MAPK13: variants seen among roughly 807,000 people sequenced by gnomAD.
MAPK13 encodes the protein MAP kinase 13.
MAPK13 carries 39 observed loss-of-function variants against 53.5 expected under a neutral mutation model. The observed-to-expected ratio is 0.73, with a 90% CI of 0.56 to 0.95. The LOEUF (loss-of-function observed/expected upper bound fraction) is 0.95, where lower values mean the gene tolerates loss of function less well. MAPK13 is among the 40% of genes least tolerant of loss of function. The pLI is 0.00. For missense variants in MAPK13, 460 were observed against 471.8 expected (o/e 0.98, Z 0.23); for synonymous variants, 179 against 190.9 (o/e 0.94, Z 0.51).
intron 3 of MAPK13, among the ~76,000 whole-genome samples, chr6:36,134,847 C>T (rs1390965651): frequency 6.6e-6 from 1 of 152,194 alleles, no homozygotes. Flanking sequence ...AACCCCGTCT[C>T]TACTAAGAAT....
chr6:36,131,621 G>C (rs1190175310), intron 2 of MAPK13, among the ~76,000 whole-genome samples: 3 of 152,206 alleles, frequency 2.0e-5, no homozygotes, highest in Non-Finnish European at 2.9e-5. Context: ...CACTTTGTGA[G>C]GTACAGACTG....
rs1766475411 is a variant in MAPK13 at position 36,138,898 on chromosome 6, G to A, written c.861G>A (p.Lys287=). Residue 287 remains lysine, a synonymous_variant, in exon 11 of 12, where the codon AAG becomes AAA. Coordinates refer to ENST00000211287, the MANE Select transcript of MAPK13 (RefSeq NM_002754.5). ...CTGCAGCTGCGGACCTGCTGGAGAA[G>A]ATGCTGGAGCTAGACGTGGACAAGC... The part of the protein sequence containing the change: ...ASPQAADLLE[K]MLELDVDKRL... The A allele has an allele frequency of 1.1e-5, 17 of 1,610,826 alleles. No individual in the cohort carries two copies. The highest frequency in any genetic ancestry group is 1.4e-5 in the Non-Finnish European group (17 of 1,178,588).
chr6:36,138,282 C>T (rs371919783), intron 8 of MAPK13, 83 bp from the exon 9 acceptor site: 17 of 1,026,054 alleles, frequency 1.7e-5, no homozygotes, highest in South Asian at 1.3e-5. Context: ...CCATGGTGCC[C>T]GGGTGAAGTG....
rs369274499 is a variant in MAPK13, at chr6:36,136,481, C to A, written c.448-3C>A. 5.6e-6 allele frequency: 9 copies of A among 1,593,006 alleles called. No homozygotes were observed. Among genetic ancestry groups the A allele is most frequent in the Admixed American group, 1.8e-5 (1 of 56,856 alleles). On this transcript the variant is annotated splice_polypyrimidine_tract_variant and splice_region_variant and intron_variant, in intron 5 of 11. Transcript: ENST00000211287. ...TAGCATGCATTCTCTGTCCTCCCCC[C>A]AGGACCTGAAGCCAGGCAACCTGGC...
intron 8 of MAPK13, among the ~76,000 whole-genome samples, chr6:36,137,253 T>C (rs1005559152): frequency 2.0e-5 from 3 of 152,098 alleles, no homozygotes; most frequent in African/African-American, 7.2e-5. Context: ...CAGTGGCTCA[T>C]GTCTGTAATC....
intron 2 of MAPK13, 90 bp from the exon 3 acceptor site, chr6:36,132,531 G>A: frequency 8.6e-7 from 1 of 1,158,384 alleles, no homozygotes; most frequent in Non-Finnish European, 1.3e-6. Flanking sequence ...TTAGGAAAGG[G>A]TGGATGGCCC....
At chr6:36,134,863 A>C (rs1766384771) in intron 3 of MAPK13, among the ~76,000 whole-genome samples, 1 of 152,210 alleles carries the variant, frequency 6.6e-6, no homozygotes, top group African/African-American at 2.4e-5. Context: ...AGAATACAAA[A>C]ATTAGCTGGG....
chr6:36,131,391 G>T lies in MAPK13; in HGVS notation c.240G>T (p.Gln80His), dbSNP rs766292303. 6.2e-7 allele frequency: 1 copy of T among 1,612,984 alleles called. No individual in the cohort carries two copies. Among genetic ancestry groups the T allele is most frequent in the South Asian group, 1.1e-5 (1 of 91,028 alleles). The change falls in exon 2 of 12, where the codon CAG becomes CAT. Residue 80 changes from glutamine (Q) to histidine (H), a missense_variant. Transcript: ENST00000211287. ...YRELLLLKHM[Q>H]HENVIGLLDV... is the part of the protein sequence containing the mutation. Reference sequence around the variant, plus strand: ...AGCTGCTGCTGCTGAAGCACATGCAGCATGAGAACGTAGGTGGTGGCTGCC... The same window carrying T: ...AGCTGCTGCTGCTGAAGCACATGCATCATGAGAACGTAGGTGGTGGCTGCC...
In MAPK13 at chr6:36,135,752, G is replaced by T. The variant is rs984084395; in HGVS notation, c.309-1G>T. On this transcript the variant is annotated splice_acceptor_variant, in intron 3 of 11. Coordinates refer to ENST00000211287, the MANE Select transcript of MAPK13 (RefSeq NM_002754.5). LOFTEE classifies it high-confidence loss of function. ...TTCCAAGAACCCCTCATGCCTTCCA[G>T]CTACCTGGTGATGCCCTTCATGCAG... 3 of 1,610,908 alleles carry T rather than the reference G, an allele frequency of 1.9e-6. No homozygotes were observed. In the Admixed American group the frequency reaches 5.0e-5, roughly 27 times the overall value.
intron 2 of MAPK13, among the ~76,000 whole-genome samples, chr6:36,132,131 C>T (rs1467233237): frequency 6.6e-6 from 1 of 152,236 alleles, no homozygotes; most frequent in Non-Finnish European, 1.5e-5. Flanking sequence ...AACCCCTCCC[C>T]TATGGCCTCC....
At position 36,131,293 on chromosome 6, in the gene MAPK13, G is replaced by C; in HGVS notation, c.142G>C (p.Gly48Arg). 2 of 1,613,720 alleles carry C rather than the reference G, an allele frequency of 1.2e-6. No homozygotes were observed. The highest frequency in any genetic ancestry group is 1.7e-6 in the Non-Finnish European group (2 of 1,179,846). ...CAGCTCGGCCATCGACAAGCGGTCA[G>C]GGGAGAAGGTGGCCATCAAGAAGCT... ...SVCSAIDKRS[G>R]EKVAIKKLSR... The change falls in exon 2 of 12, where the codon GGG becomes CGG. Residue 48 changes from glycine (G) to arginine (R), a missense_variant. By Grantham distance (125) the Gly-to-Arg change is moderately radical (BLOSUM62 -2). Transcript: ENST00000211287.
intron 6 of MAPK13, 28 bp downstream of exon 6, chr6:36,136,559 G>A: frequency 6.3e-7 from 1 of 1,595,788 alleles, no homozygotes. Context: ...TCAGCCCAGA[G>A]GCGGGATAGG....
At chr6:36,139,099 T>C (rs1766482460) in intron 11 of MAPK13, 44 bp downstream of exon 11, 1 of 1,535,706 alleles carries the variant, frequency 6.5e-7, no homozygotes, top group African/African-American at 1.4e-5. Flanking sequence ...GCCTGCAGCC[T>C]CTCTTCCTTG....
Position 36,135,813 on chromosome 6 carries a change from TGAG to T in MAPK13, c.373_375del (p.Glu125del), listed in dbSNP as rs764664754. The stretch of plus-strand genomic sequence containing the variant: ...AGAAGATCATGGGGATGGAGTTCAG[TGAG>T]GAGAAGATCCAGTACCTGGTGTATC... On this transcript the variant is annotated inframe_deletion, in exon 4 of 12. Transcript: ENST00000211287. The T allele has an allele frequency of 9.9e-6, 16 of 1,613,788 alleles. No individual in the cohort carries two copies. The East Asian group carries it at 2.7e-4, about 27-fold the overall frequency.
chr6:36,139,989 C>T lies in MAPK13; in HGVS notation c.*616C>T, dbSNP rs1440089177. ...CCACCCTAATCCTGTGTGATCTTAT[C>T]TTGATCCTTATTAATTAAACCTGCA... On this transcript the variant is annotated 3_prime_UTR_variant, in exon 12 of 12. Transcript: ENST00000211287. 3 of 152,328 alleles carry T rather than the reference C, an allele frequency of 2.0e-5. No individual in the cohort carries two copies. The highest frequency in any genetic ancestry group is 4.8e-5 in the African/African-American group (2 of 41,458). 9.4% of individuals were successfully genotyped at this position (152,328 alleles called of 1,614,324 possible).
rs1311509500 is a variant in MAPK13, at chr6:36,141,876, C to T, written c.*2503C>T. The stretch of plus-strand genomic sequence containing the variant: ...TGTCCATGGTCTCTGTTTTCTCTCC[C>T]ACAGAATGGCCCTGCTGTCAAGGAG... On this transcript the variant is annotated 3_prime_UTR_variant, in exon 12 of 12. Transcript: ENST00000211287. The T allele has an allele frequency of 1.3e-5, 2 of 152,194 alleles. No homozygotes were observed. Among genetic ancestry groups the T allele is most frequent in the Non-Finnish European group, 2.9e-5 (2 of 68,088 alleles). 9.4% of individuals were successfully genotyped at this position (152,194 alleles called of 1,614,324 possible). A position where few individuals can be genotyped will look rare whatever the true frequency, so the allele number is the denominator to read the frequency against.
At position 36,141,308 on chromosome 6, in the gene MAPK13, A is replaced by T. The variant is rs1327292352; in HGVS notation, c.*1935A>T. ...AATGCAAGATGTTACTCATCAAGAA[A>T]ACTGAGGAGAGAGAAGGGGAGGAAG... is the stretch of plus-strand genomic sequence containing the variant. On this transcript the variant is annotated 3_prime_UTR_variant, in exon 12 of 12. Transcript: ENST00000211287. 1 of 152,222 alleles carries T rather than the reference A, an allele frequency of 6.6e-6. No individual in the cohort carries two copies. Among genetic ancestry groups the T allele is most frequent in the Admixed American group, 6.5e-5 (1 of 15,278 alleles). 9.4% of individuals were successfully genotyped at this position (152,222 alleles called of 1,614,324 possible). A position where few individuals can be genotyped will look rare whatever the true frequency, so the allele number is the denominator to read the frequency against.
chr6:36,132,564 G>A, intron 2 of MAPK13, 57 bp from the exon 3 acceptor site: 1 of 1,521,634 alleles, frequency 6.6e-7, no homozygotes, highest in Non-Finnish European at 9.1e-7. Flanking sequence ...GGGCCCAGGA[G>A]GAGGTGGGAG....
At chr6:36,131,529 C>T (rs1766323880) in intron 2 of MAPK13, 129 bp downstream of exon 2, 15 of 908,488 alleles carry the variant, frequency 1.7e-5, no homozygotes, top group Middle Eastern at 3.5e-4. Flanking sequence ...GTGCCTCTCG[C>T]CTCACTATTG....
Sources: gnomAD v4.1 joint callset for allele counts (sites outside exome capture counted in the v4.1 genomes callset) on GRCh38, gnomAD v4.1.1 for gene constraint, MANE v1.5 for transcripts, NCBI Gene and HGNC (gene_info 2026-07-23, HGNC 2026-07-21) for gene names.